SHTN1: variants seen among roughly 807,000 people sequenced by gnomAD.
SHTN1 encodes the protein shootin 1, also known as shootin-1.
SHTN1 carries 42 observed loss-of-function variants against 83.1 expected under a neutral mutation model. The observed-to-expected ratio is 0.51, with a 90% CI of 0.39 to 0.65. The LOEUF (loss-of-function observed/expected upper bound fraction) is 0.65. SHTN1 is among the 30% of genes least tolerant of loss of function. The pLI is 0.00. For synonymous variants in SHTN1, 224 were observed against 247.7 expected, an observed-to-expected ratio of 0.90 and a Z score of 0.90; for missense variants, 622 against 737.8, an observed-to-expected ratio of 0.84 and a Z score of 1.82.
At chr10:117,096,678 C>G (rs1853506649) in intron 1 of SHTN1, among the ~76,000 whole-genome samples, 1 of 152,196 alleles carries the variant, frequency 6.6e-6, no homozygotes, top group Non-Finnish European at 1.5e-5. Context: ...TACTTGAACT[C>G]AAGTACAGAA....
chr10:116,977,662 C>G (rs1367476883), intron 2 of SHTN1, among the ~76,000 whole-genome samples: 10 of 147,776 alleles, frequency 6.8e-5, no homozygotes, highest in African/African-American at 1.7e-4. Flanking sequence ...CTTTCTTACT[C>G]TGTGTGTGTG....
At chr10:117,057,654 T>C (rs748541241) in intron 1 of SHTN1, among the ~76,000 whole-genome samples, 1 of 152,194 alleles carries the variant, frequency 6.6e-6, no homozygotes. Context: ...TGACTCTGCA[T>C]GCTCAAGGGA....
chr10:117,017,514 A>T (rs918251990), intron 2 of SHTN1, among the ~76,000 whole-genome samples: 30 of 150,530 alleles, frequency 2.0e-4, no homozygotes, highest in Non-Finnish European at 3.1e-4. Flanking sequence ...AAAATTAAAT[A>T]AAATAACAGT....
intron 1 of SHTN1, among the ~76,000 whole-genome samples, chr10:117,072,852 C>T (rs969378691): frequency 6.6e-6 from 1 of 152,088 alleles, no homozygotes; most frequent in Non-Finnish European, 1.5e-5. Context: ...TGGATCCAAA[C>T]CAAGAAGAAA....
chr10:116,893,826 AAAGT>A (rs952115690), intron 16 of SHTN1, among the ~76,000 whole-genome samples: 11 of 152,222 alleles, frequency 7.2e-5, no homozygotes, highest in Admixed American at 1.3e-4. Context: ...AAGTTTCCCT[AAAGT>A]AAGTTAAGAA....
chr10:117,042,863 G>A (rs1345281650), intron 2 of SHTN1, among the ~76,000 whole-genome samples: 2 of 151,962 alleles, frequency 1.3e-5, no homozygotes, highest in Non-Finnish European at 2.9e-5. Context: ...TGATCCACCC[G>A]CCTCAGCCTC....
rs1847078547 is a variant in SHTN1 at position 116,883,384 on chromosome 10, G to A, written c.*2960C>T. The A allele has an allele frequency of 6.6e-6, 1 of 152,180 alleles. No individual in the cohort carries two copies. The allele number at this position is 152,180 out of a possible 1,614,324, so 9.4% of individuals were successfully genotyped here. ...TAAAATGACTGTGGGATAGGGACAT[G>A]TTAGTGCTTGGAAGAGAAACTTCAA... On this transcript the variant is annotated 3_prime_UTR_variant, in exon 17 of 17. Transcript: ENST00000355371.
intron 2 of SHTN1, among the ~76,000 whole-genome samples, chr10:117,025,127 G>C (rs1852312450): frequency 6.6e-6 from 1 of 152,110 alleles, no homozygotes; most frequent in South Asian, 2.1e-4. Flanking sequence ...GAACTCACAG[G>C]ACCTGGTTTT....
intron 2 of SHTN1, among the ~76,000 whole-genome samples, chr10:117,032,201 T>A (rs1419227959): frequency 6.6e-6 from 1 of 152,012 alleles, no homozygotes; most frequent in African/African-American, 2.4e-5. Context: ...CAAGAAGATG[T>A]AACAATTTTT....
chr10:117,084,922 C>T (rs1853328122), intron 1 of SHTN1, among the ~76,000 whole-genome samples: 1 of 152,168 alleles, frequency 6.6e-6, no homozygotes, highest in African/African-American at 2.4e-5. Context: ...CCCCACTGAC[C>T]TGCGCCCACT....
intron 9 of SHTN1, among the ~76,000 whole-genome samples, chr10:116,936,274 T>G (rs1267954288): frequency 2.0e-5 from 3 of 152,214 alleles, no homozygotes; most frequent in African/African-American, 7.2e-5. Flanking sequence ...GTGTCGATTT[T>G]AGATCTTTCC....
At chr10:117,005,485 C>G (rs1851987844), upstream of SHTN1, 1 of 1,022,662 alleles carries the variant, frequency 9.8e-7, no homozygotes, top group African/African-American at 1.7e-5. Context: ...CAGAGAAAAC[C>G]GGCTGTGGGT....
intron 1 of SHTN1, among the ~76,000 whole-genome samples, chr10:117,116,105 A>G (rs1293059318): frequency 6.6e-6 from 1 of 152,118 alleles, no homozygotes; most frequent in Non-Finnish European, 1.5e-5. Flanking sequence ...CTAAAATAAT[A>G]TGGAAGATCA....
intron 2 of SHTN1, among the ~76,000 whole-genome samples, chr10:117,048,074 C>CAT (rs1237033666): frequency 2.6e-5 from 4 of 152,060 alleles, no homozygotes; most frequent in African/African-American, 9.7e-5. Flanking sequence ...GTAAAAAGGG[C>CAT]ATAGTCCGGT....
intron 9 of SHTN1, among the ~76,000 whole-genome samples, chr10:116,934,919 C>T (rs1479123409): frequency 1.3e-5 from 2 of 152,096 alleles, no homozygotes; most frequent in Non-Finnish European, 2.9e-5. Flanking sequence ...GTATTTTATT[C>T]TCTTTGTAGC....
intron 1 of SHTN1, among the ~76,000 whole-genome samples, chr10:117,113,373 T>C (rs1260270115): frequency 6.6e-6 from 1 of 152,192 alleles, no homozygotes; most frequent in Non-Finnish European, 1.5e-5. Context: ...AATGAGCCTC[T>C]TGATGTTCAT....
At chr10:117,080,757 C>T (rs1853248254) in intron 1 of SHTN1, among the ~76,000 whole-genome samples, 1 of 84,516 alleles carries the variant, frequency 1.2e-5, no homozygotes, top group Admixed American at 1.4e-4. Context: ...CCTTCACATC[C>T]CTTGTAAGTT....
At chr10:117,109,567 T>TTTTTTG (rs1853731791) in intron 1 of SHTN1, among the ~76,000 whole-genome samples, 1 of 87,516 alleles carries the variant, frequency 1.1e-5, no homozygotes, top group Non-Finnish European at 2.2e-5. Flanking sequence ...TTTTTTTTTT[T>TTTTTTG]TTTTTTTTTT....
At chr10:117,071,130 C>T (rs1174126835) in intron 1 of SHTN1, among the ~76,000 whole-genome samples, 1 of 151,928 alleles carries the variant, frequency 6.6e-6, no homozygotes, top group Non-Finnish European at 1.5e-5. Context: ...TCATAAAATG[C>T]CATTTTACAA....
Sources: gnomAD v4.1 joint callset for allele counts (sites outside exome capture counted in the v4.1 genomes callset) on GRCh38, gnomAD v4.1.1 for gene constraint, MANE v1.5 for transcripts, NCBI Gene and HGNC (gene_info 2026-07-23, HGNC 2026-07-21) for gene names.